Variants in WDR74 observed in about 807,000 individuals in gnomAD.
WDR74 encodes the protein WD repeat domain 74.
A neutral mutation model predicts 45.6 loss-of-function variants in WDR74; 31 were observed. The observed-to-expected ratio is 0.68, with a 90% CI of 0.51 to 0.92. The LOEUF (loss-of-function observed/expected upper bound fraction) is 0.92. Ranked by LOEUF, WDR74 falls within the 40% of genes least tolerant of loss-of-function variation. The pLI is 0.00. For missense variants in WDR74, 455 were observed against 497.2 expected (o/e 0.92, Z 0.81); for synonymous variants, 191 against 192.4 (o/e 0.99, Z 0.06).
chr11:62,838,854 G>A (rs2085000364), intron 3 of WDR74, among the ~76,000 whole-genome samples: 1 of 152,056 alleles, frequency 6.6e-6, no homozygotes, highest in Admixed American at 6.6e-5. Context: ...GGAGTCAGGT[G>A]AAAAACCTTA....
rs567273843 is a variant in WDR74, at chr11:62,839,152, G to A, written c.255C>T (p.Gly85=). The A allele has an allele frequency of 1.2e-6, 2 of 1,613,600 alleles. No individual in the cohort carries two copies. Among genetic ancestry groups the A allele is most frequent in the African/African-American group, 1.3e-5 (1 of 75,056 alleles). The change falls in exon 3 of 11, where the codon GGC becomes GGT. Residue 85 remains glycine, a synonymous_variant. Coordinates refer to ENST00000278856, the MANE Select transcript of WDR74 (RefSeq NM_001369450.1). Reference sequence around the variant, plus strand: ...CGAGGCCACGGAACATGCCCTCCCCGCCCGGGCAGTGTCTCTGACCCTGGA... The same window carrying A: ...CGAGGCCACGGAACATGCCCTCCCCACCCGGGCAGTGTCTCTGACCCTGGA... ...GIFQGQRHCP[G]GEGMFRGLAQ... is the part of the protein sequence containing the mutation.
intron 10 of WDR74, 70 bp downstream of exon 10, chr11:62,833,548 T>C: frequency 6.6e-7 from 1 of 1,524,858 alleles, no homozygotes; most frequent in Non-Finnish European, 8.9e-7. Flanking sequence ...AGCTGCCTCC[T>C]TTTCCTCTCC....
chr11:62,839,650 A>C (rs1238651183), upstream of WDR74: 18 of 1,498,676 alleles, frequency 1.2e-5, no homozygotes, highest in Non-Finnish European at 1.6e-5. Flanking sequence ...GATGCAGCGC[A>C]GTGTAGTTGC....
At chr11:62,841,288 G>T (rs1378214270), upstream of WDR74, among the ~76,000 whole-genome samples, 1 of 152,124 alleles carries the variant, frequency 6.6e-6, no homozygotes, top group East Asian at 1.9e-4. Flanking sequence ...TTGCACTCTA[G>T]CCTGGGCGAC....
At chr11:62,833,995 G>T in intron 8 of WDR74, 58 bp from the exon 9 acceptor site, 1 of 1,596,108 alleles carries the variant, frequency 6.3e-7, no homozygotes, top group Admixed American at 1.7e-5. Flanking sequence ...ACCATTCATT[G>T]TTTCCTGTTC....
At chr11:62,841,610 TC>T (rs1408139485), upstream of WDR74, 6 of 152,170 alleles carry the variant, frequency 3.9e-5, no homozygotes, top group African/African-American at 7.2e-5. Context: ...GGTTGTTCTC[TC>T]CCCGAAGGGA....
Position 62,834,521 on chromosome 11 carries a change from C to T in WDR74, c.625G>A (p.Val209Ile), listed in dbSNP as rs2084930347. The change falls in exon 7 of 11, where the codon GTT becomes ATT. Residue 209 changes from valine to isoleucine, a missense_variant. Transcript: ENST00000278856. The stretch of plus-strand genomic sequence containing the variant: ...CGCTGGGGGGATGCTGGATCATAAA[C>T]ACGGACCTAGAGGAAGGCTGAAGCA... ...VTCTGYHQVR[V>I]YDPASPQRRP... is the part of the protein sequence containing the mutation. The T allele has an allele frequency of 6.2e-7, 1 of 1,607,054 alleles. No individual in the cohort carries two copies.
chr11:62,837,582 C>T (rs1163822527), intron 3 of WDR74, among the ~76,000 whole-genome samples: 1 of 152,012 alleles, frequency 6.6e-6, no homozygotes, highest in African/African-American at 2.4e-5. Context: ...ATTTATGTAC[C>T]CTGTAGCATG....
intron 3 of WDR74, among the ~76,000 whole-genome samples, chr11:62,838,453 C>A (rs1368131933): frequency 2.0e-5 from 3 of 151,856 alleles, no homozygotes; most frequent in African/African-American, 7.2e-5. Context: ...CCACACCCAG[C>A]CTTGCTTAAA....
intron 8 of WDR74, 53 bp downstream of exon 8, chr11:62,834,223 C>T (rs933548235): frequency 1.2e-6 from 2 of 1,612,368 alleles, no homozygotes; most frequent in Admixed American, 1.7e-5. Context: ...AGAGGGAATC[C>T]TGACCCTTCT....
Position 62,839,231 on chromosome 11 carries a change from A to G in WDR74, c.176T>C (p.Leu59Pro). ...CACCGTCCTGTCCGCGCAGCCCACC[A>G]GCATCTGCGGCAAAGAAGGGCAAGA... is the stretch of plus-strand genomic sequence containing the variant. Reference protein sequence around the residue: ...CWGTGGETQMLVGCADRTVKH... With the variant: ...CWGTGGETQMPVGCADRTVKH... The change falls in exon 3 of 11, where the codon CTG becomes CCG. Residue 59 changes from leucine to proline, a missense_variant. Physicochemically the swap from Leu to Pro is moderately conservative, Grantham distance 98. Transcript: ENST00000278856. The G allele has an allele frequency of 6.2e-7, 1 of 1,613,540 alleles. No individual in the cohort carries two copies. The highest frequency in any genetic ancestry group is 1.6e-4 in the Middle Eastern group (1 of 6,062).
At chr11:62,841,519 A>G (rs916783896), upstream of WDR74, 5 of 152,202 alleles carry the variant, frequency 3.3e-5, no homozygotes, top group Admixed American at 3.3e-4. Flanking sequence ...CTAGCGATAA[A>G]AACACCTAAT....
chr11:62,839,854 A>G (rs2085022033), upstream of WDR74: 1 of 495,604 alleles, frequency 2.0e-6, no homozygotes, highest in Admixed American at 3.8e-5. Context: ...CCATTATGTA[A>G]TATGTGTTCT....
chr11:62,839,543 G>T lies in WDR74; in HGVS notation c.28C>A (p.His10Asn). Reference protein sequence around the residue: MAAAAARWNHVWVGTETGIL... With the variant: MAAAAARWNNVWVGTETGIL... The stretch of plus-strand genomic sequence containing the variant: ...CCAGTCTCGGTGCCGACCCACACAT[G>T]GTTCCAGCGTGCAGCAGCAGCCGCC... The change falls in exon 1 of 11, where the codon CAT becomes AAT. Residue 10 changes from histidine (H) to asparagine (N), a missense_variant. His to Asn is a moderately conservative substitution (Grantham distance 68). Transcript: ENST00000278856. The T allele has an allele frequency of 6.2e-7, 1 of 1,613,030 alleles. No individual in the cohort carries two copies. Among genetic ancestry groups the T allele is most frequent in the African/African-American group, 1.3e-5 (1 of 75,032 alleles).
upstream of WDR74, among the ~76,000 whole-genome samples, chr11:62,841,106 CAAG>C (rs2085038083): frequency 1.3e-5 from 2 of 152,294 alleles, no homozygotes; most frequent in African/African-American, 4.8e-5. Context: ...ATCACAAGGT[CAAG>C]AGATGGAGAC....
chr11:62,841,734 A>G (rs1252959995), upstream of WDR74: 2 of 152,160 alleles, frequency 1.3e-5, no homozygotes, highest in East Asian at 1.9e-4. Context: ...TTGTCCTCGG[A>G]TAGAGGACGT....
In WDR74 at chr11:62,833,008, C is replaced by T; in HGVS notation, c.1102G>A (p.Gly368Arg). The T allele has an allele frequency of 6.2e-7, 1 of 1,610,706 alleles. No individual in the cohort carries two copies. The stretch of plus-strand genomic sequence containing the variant: ...TTTCTCCGTCTCGTTTGGAGAGCTC[C>T]TTGGGGCTGCTCCAAACCCGAGAGC... ...RKLSGLEQPQ[G>R]ALQTRRRKKK... Residue 368 changes from glycine to arginine, a missense_variant, in exon 11 of 11, where the codon GGA (glycine) becomes AGA (arginine). Transcript: ENST00000278856.
At chr11:62,834,771 C>T (rs2084934082) in intron 6 of WDR74, 1 of 503,360 alleles carries the variant, frequency 2.0e-6, no homozygotes, top group Non-Finnish European at 3.6e-6. Flanking sequence ...GCATTCCATC[C>T]CCCCATACTC....
intron 8 of WDR74, 134 bp downstream of exon 8, chr11:62,834,142 G>A: frequency 6.7e-7 from 1 of 1,483,686 alleles, no homozygotes. Context: ...ACAGCTTTTA[G>A]GGAAACCAGG....
Sources: allele counts gnomAD v4.1 joint callset (sites outside exome capture counted in the v4.1 genomes callset), GRCh38; gene constraint gnomAD v4.1.1; transcripts MANE v1.5; gene names NCBI Gene and HGNC (gene_info 2026-07-23, HGNC 2026-07-21).